PKD2: variants seen among roughly 807,000 people sequenced by gnomAD.
The protein encoded by PKD2 is polycystin 2, transient receptor potential cation channel, also known as polycystin-2.
PKD2 carries 48 observed loss-of-function variants against 105.9 expected under a neutral mutation model. The observed-to-expected ratio is 0.45, with a 90% CI of 0.36 to 0.58. The LOEUF is 0.58. PKD2 is among the 20% of genes least tolerant of loss of function. PKD2 has a pLI of 0.00. For synonymous variants in PKD2, 464 were observed against 481.1 expected (o/e 0.96, Z 0.46); for missense variants, 1,078 against 1,255.3 (o/e 0.86, Z 2.13).
At chr4:88,024,941 C>T (rs1209071998) in intron 2 of PKD2, among the ~76,000 whole-genome samples, 7 of 151,732 alleles carry the variant, frequency 4.6e-5, no homozygotes, top group Non-Finnish European at 1.0e-4. Flanking sequence ...AAGACCAGCC[C>T]GGCCAAGATG....
chr4:88,053,635 C>T (rs1051369735), intron 7 of PKD2, among the ~76,000 whole-genome samples: 1 of 146,694 alleles, frequency 6.8e-6, no homozygotes, highest in African/African-American at 2.6e-5. Context: ...CCAGCCTGGG[C>T]AACAGAGTGA....
chr4:88,017,419 T>A (rs1726597192), intron 1 of PKD2, among the ~76,000 whole-genome samples: 1 of 152,206 alleles, frequency 6.6e-6, no homozygotes, highest in Admixed American at 6.5e-5. Context: ...TGAATATTAT[T>A]ATTTTTTCAA....
chr4:88,074,417 C>T lies in PKD2; in HGVS notation c.2523-395C>T, dbSNP rs181189382. Among the ~76,000 whole-genome samples the T allele has an allele frequency of 6.6e-4, 100 of 152,246 alleles. No individual in the cohort carries two copies. The South Asian group carries it at 9.3e-3, about 14-fold the overall frequency. On this transcript the variant is annotated intron_variant, in intron 13 of 14. Transcript: ENST00000237596. ...CCTCCCAAAATGCCAGGATTACAGGCGTGAGCCATCATGCCCTACCCCCCC... is the reference window on the plus strand; with the variant it reads ...CCTCCCAAAATGCCAGGATTACAGGTGTGAGCCATCATGCCCTACCCCCCC...
chr4:88,067,168 A>G (rs1218677561), intron 12 of PKD2, among the ~76,000 whole-genome samples: 2 of 152,186 alleles, frequency 1.3e-5, no homozygotes, highest in East Asian at 1.9e-4. Flanking sequence ...ATGATAGTCA[A>G]AGGTCATGCT....
chr4:88,068,038 C>T lies in PKD2; in HGVS notation c.2499C>T (p.Gly833=), dbSNP rs180709531. Residue 833 remains glycine (G), a synonymous_variant, in exon 13 of 15, where the codon GGC becomes GGT. Transcript: ENST00000237596. The part of the protein sequence containing the change: ...SSRRRGSISS[G]VSYEEFQVLV... ...GAAGGAGGGGAAGCATTTCTAGTGG[C>T]GTTTCTTACGAAGAGTTTCAAGTGT... The T allele has an allele frequency of 4.7e-5, 76 of 1,613,986 alleles. No homozygotes were observed. In the East Asian group the frequency reaches 6.5e-4, roughly 14 times the overall value.
At chr4:88,056,608 G>T (rs1031021177) in intron 8 of PKD2, among the ~76,000 whole-genome samples, 3 of 152,076 alleles carry the variant, frequency 2.0e-5, no homozygotes, top group African/African-American at 7.2e-5. Context: ...GTTGAATATT[G>T]TTGCCATATA....
At chr4:88,036,445 G>A in intron 3 of PKD2, 92 bp downstream of exon 3, 1 of 1,588,396 alleles carries the variant, frequency 6.3e-7, no homozygotes, top group Non-Finnish European at 8.6e-7. Context: ...GACAGGACCT[G>A]CTTTGCATTT....
chr4:88,028,306 C>A (rs1439757928), intron 2 of PKD2, among the ~76,000 whole-genome samples: 1 of 152,224 alleles, frequency 6.6e-6, no homozygotes, highest in Non-Finnish European at 1.5e-5. Context: ...ATAACAAGAT[C>A]AGTGAAGTAA....
intron 1 of PKD2, among the ~76,000 whole-genome samples, chr4:88,008,540 A>G (rs757182209): frequency 1.3e-5 from 2 of 151,966 alleles, no homozygotes; most frequent in East Asian, 1.9e-4. Context: ...GTGCATATTT[A>G]TTGGATACCT....
At position 88,075,547 on chromosome 4, in the gene PKD2, T is replaced by G. The variant is rs575774983; in HGVS notation, c.2760T>G (p.Asp920Glu). Residue 920 changes from aspartate to glutamate, a missense_variant, in exon 15 of 15, where the codon GAT becomes GAG. This residue lies in a region of PKD2 where 868 missense variants were observed against 1,067.3 expected (regional missense o/e 0.81). Transcript: ENST00000237596. Reference sequence around the variant, plus strand: ...AGTTGGAACGCTGGGAATCCGATGATGCAGCTTCCCAGATCAGTCATGGTT... The same window carrying G: ...AGTTGGAACGCTGGGAATCCGATGAGGCAGCTTCCCAGATCAGTCATGGTT... ...REELERWESD[D>E]AASQISHGLG... 1 of 1,614,042 alleles carries G rather than the reference T, an allele frequency of 6.2e-7. No individual in the cohort carries two copies. Among genetic ancestry groups the G allele is most frequent in the African/African-American group, 1.3e-5 (1 of 75,054 alleles).
chr4:88,040,332 GA>G (rs1301583247), intron 4 of PKD2, among the ~76,000 whole-genome samples: 2 of 152,138 alleles, frequency 1.3e-5, no homozygotes, highest in African/African-American at 4.8e-5. Context: ...TGAGGGCAGG[GA>G]TTCTATTTTG....
At chr4:88,020,493 G>T (rs141693053) in intron 2 of PKD2, among the ~76,000 whole-genome samples, 2 of 152,112 alleles carry the variant, frequency 1.3e-5, no homozygotes, top group Non-Finnish European at 2.9e-5. Flanking sequence ...ATGCCTGAGC[G>T]AGAGACTAGC....
chr4:88,059,725 G>A (rs1487689335), intron 9 of PKD2, among the ~76,000 whole-genome samples: 2 of 150,060 alleles, frequency 1.3e-5, no homozygotes, highest in African/African-American at 5.0e-5. Context: ...AGAGATATAG[G>A]TGGATAGATA....
intron 5 of PKD2, 62 bp from the exon 6 acceptor site, chr4:88,046,580 A>G: frequency 1.0e-6 from 1 of 994,316 alleles, no homozygotes; most frequent in East Asian, 2.4e-5. Flanking sequence ...ATGGACATCC[A>G]TTCCTGGCTG....
At chr4:88,025,152 GA>G (rs540352153) in intron 2 of PKD2, among the ~76,000 whole-genome samples, 162 of 149,358 alleles carry the variant, frequency 1.1e-3, no homozygotes, top group African/African-American at 3.7e-3. Flanking sequence ...AAAAAGAAAA[GA>G]AAAGAATAGA....
chr4:88,074,922 G>T lies in PKD2; in HGVS notation c.2633G>T (p.Arg878Met), dbSNP rs1403946790. ...ATGGAGCGAGCCAAACTGAAGAGGAGGGAGGTGCTGGGAAGGCTGTTGGAT... is the reference window on the plus strand; with the variant it reads ...ATGGAGCGAGCCAAACTGAAGAGGATGGAGGTGCTGGGAAGGCTGTTGGAT... ...EIMERAKLKRREVLGRLLDGV... is the reference protein window; with the variant it reads ...EIMERAKLKRMEVLGRLLDGV... The change falls in exon 14 of 15, where the codon AGG becomes ATG. Residue 878 changes from arginine (R) to methionine (M), a missense_variant. Arg to Met is a moderately conservative substitution (Grantham distance 91). Coordinates refer to ENST00000237596, the MANE Select transcript of PKD2 (RefSeq NM_000297.4). The T allele has an allele frequency of 1.5e-5, 25 of 1,614,188 alleles. No individual in the cohort carries two copies. Among genetic ancestry groups the T allele is most frequent in the Non-Finnish European group, 2.1e-5 (25 of 1,180,024 alleles).
intron 2 of PKD2, among the ~76,000 whole-genome samples, chr4:88,022,787 A>G (rs1167205621): frequency 6.6e-6 from 1 of 152,122 alleles, no homozygotes; most frequent in Non-Finnish European, 1.5e-5. Flanking sequence ...GGTAATTTAT[A>G]AAAAAAGAGG....
At chr4:88,034,597 G>A (rs964386632) in intron 2 of PKD2, among the ~76,000 whole-genome samples, 46 of 151,514 alleles carry the variant, frequency 3.0e-4, no homozygotes, top group African/African-American at 1.1e-3. Context: ...GAACCTGGGA[G>A]GGGGAGGTTG....
intron 5 of PKD2, among the ~76,000 whole-genome samples, chr4:88,043,802 G>A (rs571518094): frequency 1.3e-5 from 2 of 152,094 alleles, no homozygotes; most frequent in African/African-American, 2.4e-5. Context: ...CAAGTCCCCC[G>A]GCCATCAAAT....
Sources: allele counts gnomAD v4.1 joint callset (sites outside exome capture counted in the v4.1 genomes callset), GRCh38; gene constraint gnomAD v4.1.1; regional missense constraint gnomAD v4.1.1; transcripts MANE v1.5; gene names NCBI Gene and HGNC (gene_info 2026-07-23, HGNC 2026-07-21).